STX8: variants seen among roughly 807,000 people sequenced by gnomAD.
STX8 encodes the protein syntaxin 8.
Under a neutral mutation model 37.5 loss-of-function variants are expected in STX8, and 23 were observed. The observed-to-expected ratio is 0.61, with a 90% CI of 0.44 to 0.87. The LOEUF (loss-of-function observed/expected upper bound fraction) is 0.87. Among genes scored for constraint, STX8 ranks in the 40% least tolerant of loss-of-function variants. The pLI is 0.00. For missense variants in STX8, 313 were observed against 284.7 expected, an observed-to-expected ratio of 1.10 and a Z score of -0.71; for synonymous variants, 115 against 99.1, an observed-to-expected ratio of 1.16 and a Z score of -0.95.
chr17:9,378,743 T>G, intron 6 of STX8, 90 bp from the exon 7 acceptor site: 1 of 941,496 alleles, frequency 1.1e-6, no homozygotes, highest in South Asian at 1.3e-5. Context: ...CTAGCAATAA[T>G]GATCTCGAGT....
chr17:9,433,159 T>C (rs143558282), intron 6 of STX8, among the ~76,000 whole-genome samples: 70 of 152,336 alleles, frequency 4.6e-4, no homozygotes, highest in African/African-American at 1.6e-3. Flanking sequence ...CATAATGCAC[T>C]CCTAAGATTT....
At chr17:9,511,163 C>T (rs1445913185) in intron 4 of STX8, among the ~76,000 whole-genome samples, 2 of 152,074 alleles carry the variant, frequency 1.3e-5, no homozygotes, top group African/African-American at 4.8e-5. Context: ...GGCTTTCATA[C>T]TGAATTCTAC....
At chr17:9,339,701 T>C (rs892734646) in intron 7 of STX8, among the ~76,000 whole-genome samples, 17 of 152,266 alleles carry the variant, frequency 1.1e-4, no homozygotes, top group South Asian at 6.2e-4. Flanking sequence ...GTACTCTGTC[T>C]ATTGGCCTAT....
chr17:9,511,856 A>G (rs1394011139), intron 4 of STX8, among the ~76,000 whole-genome samples: 2 of 152,216 alleles, frequency 1.3e-5, no homozygotes, highest in African/African-American at 2.4e-5. Context: ...CTACCAAAAA[A>G]AAACCTCTCA....
intron 6 of STX8, among the ~76,000 whole-genome samples, chr17:9,460,870 C>A (rs1329079580): frequency 6.6e-6 from 1 of 151,934 alleles, no homozygotes; most frequent in African/African-American, 2.4e-5. Context: ...CTCAGCCTCA[C>A]TTTCCCCAGC....
In STX8 at chr17:9,294,271, T is replaced by C. The variant is rs79175402; in HGVS notation, c.644-43626A>G. On this transcript the variant is annotated intron_variant, in intron 7 of 7. Transcript: ENST00000306357. ...GGAAGGAAAGGAAAGATATGAAGTCTGGCTGGAAGGCCTAATGGTGATAAA... is the reference window on the plus strand; with the variant it reads ...GGAAGGAAAGGAAAGATATGAAGTCCGGCTGGAAGGCCTAATGGTGATAAA... Among the ~76,000 whole-genome samples, 424 of 152,324 alleles carry C rather than the reference T, an allele frequency of 2.8e-3. 2 individuals are homozygous for C. The highest frequency in any genetic ancestry group is 9.9e-3 in the African/African-American group (412 of 41,572).
chr17:9,321,827 C>T lies in STX8; in HGVS notation c.643+56725G>A, dbSNP rs1909587968. Among the ~76,000 whole-genome samples the T allele has an allele frequency of 2.0e-5, 3 of 152,200 alleles. 1 individual carries two copies. Among genetic ancestry groups the T allele is most frequent in the East Asian group, 1.9e-4 (1 of 5,164 alleles). ...GCCGCCATGCCCAGCATAAATATAC[C>T]ATTTATTAATATGCAAATAATCGCC... is the stretch of plus-strand genomic sequence containing the variant. On this transcript the variant is annotated intron_variant, in intron 7 of 7. Coordinates refer to ENST00000306357, the MANE Select transcript of STX8 (RefSeq NM_004853.3).
chr17:9,369,415 GATAA>G (rs1911333132), intron 7 of STX8, among the ~76,000 whole-genome samples: 1 of 152,016 alleles, frequency 6.6e-6, no homozygotes, highest in Non-Finnish European at 1.5e-5. Context: ...TAAACAGCAT[GATAA>G]ATAAAGGAAC....
At chr17:9,297,301 T>G (rs1265499497) in intron 7 of STX8, among the ~76,000 whole-genome samples, 1 of 151,620 alleles carries the variant, frequency 6.6e-6, no homozygotes, top group Non-Finnish European at 1.5e-5. Context: ...TGTGGTTTAG[T>G]GAGTATAGAA....
intron 7 of STX8, among the ~76,000 whole-genome samples, chr17:9,346,255 C>T (rs577075749): frequency 3.3e-5 from 5 of 152,254 alleles, no homozygotes; most frequent in South Asian, 2.1e-4. Flanking sequence ...TGTTGCTTTG[C>T]CTTTCAGTAT....
At chr17:9,499,484 C>T (rs1004284039) in intron 5 of STX8, among the ~76,000 whole-genome samples, 12 of 152,134 alleles carry the variant, frequency 7.9e-5, no homozygotes, top group Non-Finnish European at 1.2e-4. Flanking sequence ...CTGCAACCTC[C>T]GCCTCCCGAG....
chr17:9,311,897 G>C (rs1035133738), intron 7 of STX8, among the ~76,000 whole-genome samples: 5 of 151,978 alleles, frequency 3.3e-5, no homozygotes, highest in Admixed American at 6.6e-5. Flanking sequence ...GCCCAGGCTG[G>C]AGTGCAGCAG....
At chr17:9,494,864 C>G (rs958354693) in intron 5 of STX8, among the ~76,000 whole-genome samples, 8 of 151,988 alleles carry the variant, frequency 5.3e-5, no homozygotes, top group Non-Finnish European at 1.2e-4. Context: ...CCTCTAATTT[C>G]AGGTGCTTTG....
chr17:9,537,640 G>A (rs1468025195), intron 4 of STX8, among the ~76,000 whole-genome samples: 1 of 152,168 alleles, frequency 6.6e-6, no homozygotes, highest in Non-Finnish European at 1.5e-5. Context: ...CCAACTCTGG[G>A]CTGGATGTTA....
At chr17:9,442,946 C>T (rs1349921051) in intron 6 of STX8, among the ~76,000 whole-genome samples, 2 of 152,188 alleles carry the variant, frequency 1.3e-5, no homozygotes, top group Admixed American at 6.5e-5. Context: ...TTAATATGGC[C>T]TCAGAGGCAT....
intron 7 of STX8, among the ~76,000 whole-genome samples, chr17:9,374,984 A>T (rs1324619222): frequency 6.7e-6 from 1 of 150,254 alleles, no homozygotes; most frequent in African/African-American, 2.5e-5. Flanking sequence ...AAATCACTTG[A>T]ACCTGGGAGG....
In STX8 at chr17:9,413,897, T is replaced by C. The variant is rs528569384; in HGVS notation, c.542-35244A>G. 2.0e-5 allele frequency among the ~76,000 whole-genome samples: 3 copies of C among 151,774 alleles called. No homozygotes were observed. The South Asian group carries it at 6.2e-4, about 32-fold the overall frequency. On this transcript the variant is annotated intron_variant, in intron 6 of 7. Transcript: ENST00000306357. ...ATCTATCGATCCATCCATCGATCCA[T>C]CCATCCATCCGTCCATCTAACCGTC...
intron 7 of STX8, among the ~76,000 whole-genome samples, chr17:9,299,291 AT>A (rs1391968549): frequency 3.9e-5 from 6 of 152,020 alleles, no homozygotes; most frequent in Non-Finnish European, 8.8e-5. Flanking sequence ...CACATGGTTA[AT>A]TCCCAATCTA....
At chr17:9,481,121 G>A (rs1906321497) in intron 6 of STX8, among the ~76,000 whole-genome samples, 1 of 152,134 alleles carries the variant, frequency 6.6e-6, no homozygotes, top group African/African-American at 2.4e-5. Context: ...CTGACCTCGT[G>A]ATCCATCTGC....
Sources: gnomAD v4.1 joint callset for allele counts (sites outside exome capture counted in the v4.1 genomes callset) on GRCh38, gnomAD v4.1.1 for gene constraint, MANE v1.5 for transcripts, NCBI Gene and HGNC (gene_info 2026-07-23, HGNC 2026-07-21) for gene names.